Variants in SPON1 observed in about 807,000 individuals in gnomAD.
The protein encoded by SPON1 is spondin 1, also known as spondin-1.
Under a neutral mutation model 111.7 loss-of-function variants are expected in SPON1, and 52 were observed. The ratio of observed to expected loss-of-function variants is 0.47; its 90% CI spans 0.37 to 0.59. SPON1 has a LOEUF of 0.59. Among genes scored for constraint, SPON1 ranks in the 20% least tolerant of loss-of-function variants. The pLI is 0.00. For missense variants in SPON1, 957 were observed against 1,068.5 expected (o/e 0.90, Z 1.46); for synonymous variants, 410 against 395.8 (o/e 1.04, Z -0.43).
intron 2 of SPON1, among the ~76,000 whole-genome samples, chr11:14,011,303 A>G (rs1207626326): frequency 6.6e-6 from 1 of 152,208 alleles, no homozygotes; most frequent in Non-Finnish European, 1.5e-5. Flanking sequence ...GGCATGGCCC[A>G]CTATTGTGTT....
chr11:14,026,525 A>C (rs564325832), intron 2 of SPON1, among the ~76,000 whole-genome samples: 1 of 152,332 alleles, frequency 6.6e-6, no homozygotes, highest in African/African-American at 2.4e-5. Context: ...GACTTGTTTA[A>C]GTCTCTTCTG....
At chr11:14,254,493 A>G (rs1849085294) in intron 7 of SPON1, 35 bp from the exon 8 acceptor site, 1 of 1,541,900 alleles carries the variant, frequency 6.5e-7, no homozygotes, top group East Asian at 2.3e-5. Flanking sequence ...AACCCCCAGA[A>G]CTCTAATATA....
chr11:14,123,379 C>T (rs1847416005), intron 5 of SPON1, among the ~76,000 whole-genome samples: 1 of 152,088 alleles, frequency 6.6e-6, no homozygotes. Flanking sequence ...GTTTTCTAAG[C>T]TGTGTTGGGG....
chr11:14,123,083 A>C (rs782273807), intron 5 of SPON1, among the ~76,000 whole-genome samples: 4 of 151,910 alleles, frequency 2.6e-5, no homozygotes, highest in Non-Finnish European at 5.9e-5. Flanking sequence ...GGCAGGCACC[A>C]CCATGCCCAG....
chr11:14,221,807 A>G (rs1235064940), intron 6 of SPON1, among the ~76,000 whole-genome samples: 1 of 152,126 alleles, frequency 6.6e-6, no homozygotes, highest in East Asian at 1.9e-4. Flanking sequence ...GCTCCACCTC[A>G]TTCTCATCAC....
At chr11:14,253,197 G>C (rs1367851563) in intron 7 of SPON1, among the ~76,000 whole-genome samples, 1 of 152,240 alleles carries the variant, frequency 6.6e-6, no homozygotes, top group Non-Finnish European at 1.5e-5. Context: ...GCAGAACCTA[G>C]ACTGGCATCA....
At chr11:14,022,822 T>G (rs1181487901) in intron 2 of SPON1, among the ~76,000 whole-genome samples, 1 of 152,230 alleles carries the variant, frequency 6.6e-6, no homozygotes, top group Admixed American at 6.5e-5. Context: ...TACATTCGAC[T>G]TTATCCAAAG....
chr11:14,229,492 G>C (rs1848772454), intron 6 of SPON1, among the ~76,000 whole-genome samples: 2 of 152,188 alleles, frequency 1.3e-5, no homozygotes, highest in South Asian at 4.1e-4. Flanking sequence ...CAGAAGCGGA[G>C]TGGAGAGCCT....
At chr11:14,087,372 T>C (rs1849015174) in intron 5 of SPON1, among the ~76,000 whole-genome samples, 1 of 152,164 alleles carries the variant, frequency 6.6e-6, no homozygotes, top group Admixed American at 6.5e-5. Flanking sequence ...TTCAAAGAAC[T>C]CATTTATTTC....
At chr11:14,248,099 C>T (rs1265956640) in intron 7 of SPON1, among the ~76,000 whole-genome samples, 2 of 151,900 alleles carry the variant, frequency 1.3e-5, no homozygotes, top group East Asian at 1.9e-4. Flanking sequence ...GTGTTTGAGG[C>T]GGGTGGTTGG....
At chr11:14,122,958 G>C (rs571756926) in intron 5 of SPON1, among the ~76,000 whole-genome samples, 1 of 134,420 alleles carries the variant, frequency 7.4e-6, no homozygotes, top group Admixed American at 8.0e-5. Context: ...TTTTGAGACA[G>C]GATCTCCTTC....
chr11:14,177,331 C>A (rs943461243), intron 6 of SPON1, among the ~76,000 whole-genome samples: 1 of 152,062 alleles, frequency 6.6e-6, no homozygotes, highest in Non-Finnish European at 1.5e-5. Flanking sequence ...TGAACCACTG[C>A]AACCAGCCCA....
chr11:14,104,104 T>C (rs960529625), intron 5 of SPON1, among the ~76,000 whole-genome samples: 1 of 152,124 alleles, frequency 6.6e-6, no homozygotes, highest in Non-Finnish European at 1.5e-5. Flanking sequence ...TTAGTAGACC[T>C]TTTTAGTGAT....
intron 3 of SPON1, among the ~76,000 whole-genome samples, chr11:14,046,529 C>A (rs1365486926): frequency 2.6e-5 from 4 of 152,174 alleles, no homozygotes; most frequent in African/African-American, 9.7e-5. Context: ...GATGCTACTT[C>A]ATTAAATGCA....
At chr11:14,145,635 G>C (rs1847708529) in intron 6 of SPON1, among the ~76,000 whole-genome samples, 1 of 152,072 alleles carries the variant, frequency 6.6e-6, no homozygotes, top group Admixed American at 6.6e-5. Context: ...TCACATTGTT[G>C]TGTGTATATT....
At chr11:14,246,722 G>A (rs1303888220) in intron 7 of SPON1, among the ~76,000 whole-genome samples, 1 of 152,168 alleles carries the variant, frequency 6.6e-6, no homozygotes, top group Non-Finnish European at 1.5e-5. Context: ...CAACTGTGGT[G>A]AGCACAGCAC....
chr11:14,099,435 A>ATT (rs1849127066), intron 5 of SPON1, among the ~76,000 whole-genome samples: 1 of 151,692 alleles, frequency 6.6e-6, no homozygotes, highest in South Asian at 2.1e-4. Flanking sequence ...TGATTTTCCC[A>ATT]TTTTGTTTTT....
chr11:14,029,851 T>G (rs571175523), intron 2 of SPON1, among the ~76,000 whole-genome samples: 1 of 152,256 alleles, frequency 6.6e-6, no homozygotes, highest in South Asian at 2.1e-4. Flanking sequence ...GTATATGAAT[T>G]CATATAAACA....
At chr11:14,119,169 T>C (rs782228822) in intron 5 of SPON1, among the ~76,000 whole-genome samples, 3 of 152,096 alleles carry the variant, frequency 2.0e-5, no homozygotes, top group Non-Finnish European at 4.4e-5. Flanking sequence ...AGACACATGA[T>C]CTTAGTTGGA....
Sources: gnomAD v4.1 joint callset for allele counts (sites outside exome capture counted in the v4.1 genomes callset) on GRCh38, gnomAD v4.1.1 for gene constraint, MANE v1.5 for transcripts, NCBI Gene and HGNC (gene_info 2026-07-23, HGNC 2026-07-21) for gene names.